WASF3: variants seen among roughly 807,000 people sequenced by gnomAD.
WASF3 encodes the protein actin-binding protein WASF3.
Under a neutral mutation model 46.6 loss-of-function variants are expected in WASF3, and 11 were observed. The observed-to-expected ratio is 0.24, with a 90% CI of 0.15 to 0.39. The LOEUF is 0.39. WASF3 is among the 10% of genes least tolerant of loss of function. The pLI is 1.00. For synonymous variants in WASF3, 242 were observed against 259.7 expected (o/e 0.93, Z 0.65); for missense variants, 576 against 669.8 (o/e 0.86, Z 1.55).
rs398022033 is a variant in WASF3 at position 26,582,676 on chromosome 13, C to CAAAAAA, written c.-109+24875_-109+24880dup. Among the ~76,000 whole-genome samples, 24 of 53,382 alleles carry CAAAAAA rather than the reference C, an allele frequency of 4.5e-4. 2 individuals are homozygous for CAAAAAA. The highest frequency in any genetic ancestry group is 9.5e-4 in the Admixed American group (3 of 3,154). The allele number at this position is 53,382 out of a possible 152,430, so 35.0% of individuals were successfully genotyped here. The stretch of plus-strand genomic sequence containing the variant: ...TGGGTGACCGAGTGAGACTCCGTCT[C>CAAAAAA]AAAAAAAAAAAAAAAAAAAAAAAGC... On this transcript the variant is annotated intron_variant, in intron 1 of 9. Transcript: ENST00000335327.
At chr13:26,654,310 A>G (rs1882405498) in intron 3 of WASF3, among the ~76,000 whole-genome samples, 1 of 152,142 alleles carries the variant, frequency 6.6e-6, no homozygotes, top group African/African-American at 2.4e-5. Context: ...CTAGATATTC[A>G]TCTTCCCCCT....
chr13:26,681,258 G>A lies in WASF3; in HGVS notation c.921G>A (p.Pro307=), dbSNP rs755851760. ...ACAGACCTCAGCAGCCGCCCCCCCC[G>A]CCTCCCCCTCAGGCCCCAGAGGGGT... ...ALNRPQQPPP[P]PPPQAPEGSQ... The change falls in exon 8 of 10, where the codon CCG becomes CCA. Residue 307 remains proline, a synonymous_variant. Coordinates refer to ENST00000335327, the MANE Select transcript of WASF3 (RefSeq NM_006646.6). 11 of 1,419,574 alleles carry A rather than the reference G, an allele frequency of 7.7e-6. No individual in the cohort carries two copies. The highest frequency in any genetic ancestry group is 3.5e-5 in the Admixed American group (2 of 57,816). 87.9% of individuals were successfully genotyped at this position (1,419,574 alleles called of 1,614,324 possible).
intron 2 of WASF3, chr13:26,619,199 C>T (rs964123448): frequency 2.5e-4 from 38 of 152,202 alleles, no homozygotes; most frequent in African/African-American, 9.2e-4. Flanking sequence ...CCATACACAA[C>T]CTGCTTATAA....
the WASF3 span, among the ~76,000 whole-genome samples, chr13:26,546,297 C>G: frequency 6.6e-6 from 1 of 152,190 alleles, no homozygotes. Flanking sequence ...GTGATTGTTT[C>G]TGAGTTGGAT....
chr13:26,648,805 G>A (rs1882227478), intron 3 of WASF3, among the ~76,000 whole-genome samples: 1 of 152,146 alleles, frequency 6.6e-6, no homozygotes, highest in African/African-American at 2.4e-5. Context: ...GAAGATAGAA[G>A]TTCTGTCAGC....
chr13:26,656,290 T>A (rs1882463312), intron 3 of WASF3, among the ~76,000 whole-genome samples: 1 of 152,336 alleles, frequency 6.6e-6, no homozygotes, highest in East Asian at 1.9e-4. Flanking sequence ...TTAAAACAAC[T>A]GAGTAAAGTG....
At chr13:26,650,289 T>C (rs919707998) in intron 3 of WASF3, among the ~76,000 whole-genome samples, 13 of 152,148 alleles carry the variant, frequency 8.5e-5, no homozygotes, top group African/African-American at 2.7e-4. Context: ...ACCCCAGTCA[T>C]AGGACTGTAT....
At chr13:26,544,158 T>C in the WASF3 span, among the ~76,000 whole-genome samples, 1 of 152,206 alleles carries the variant, frequency 6.6e-6, no homozygotes, top group Non-Finnish European at 1.5e-5. Flanking sequence ...TTCCAGACAA[T>C]TTAGTTTTCA....
Position 26,685,889 on chromosome 13 carries a change from T to C in WASF3, c.*44T>C, listed in dbSNP as rs750212174. 2.5e-6 allele frequency: 4 copies of C among 1,596,606 alleles called. No homozygotes were observed. The African/African-American group carries it at 5.4e-5, about 21-fold the overall frequency. ...GCCGCGTGTGGGAGCGTGTTGAAGA[T>C]TTTAAGTGGTCTCTACACCCAAATA... On this transcript the variant is annotated 3_prime_UTR_variant, in exon 10 of 10. Coordinates refer to ENST00000335327, the MANE Select transcript of WASF3 (RefSeq NM_006646.6).
chr13:26,593,906 TTTGGCTGATTTAG>T (rs1207772075), intron 1 of WASF3, among the ~76,000 whole-genome samples: 36 of 152,342 alleles, frequency 2.4e-4, no homozygotes, highest in African/African-American at 7.0e-4. Flanking sequence ...AGTTCCTTCC[TTTGGCTGATTTAG>T]TTGCTTCTGT....
At chr13:26,638,992 C>T (rs926613252) in intron 2 of WASF3, among the ~76,000 whole-genome samples, 4 of 152,184 alleles carry the variant, frequency 2.6e-5, no homozygotes, top group Non-Finnish European at 5.9e-5. Context: ...CCACTGTCCT[C>T]CTATTTTCCA....
At chr13:26,635,014 C>T (rs2137269659) in intron 2 of WASF3, among the ~76,000 whole-genome samples, 1 of 152,162 alleles carries the variant, frequency 6.6e-6, no homozygotes, top group South Asian at 2.1e-4. Flanking sequence ...TCTGTATTTC[C>T]TGAATTTGAA....
intron 1 of WASF3, among the ~76,000 whole-genome samples, chr13:26,597,971 G>T (rs549264034): frequency 1.3e-5 from 2 of 152,140 alleles, no homozygotes; most frequent in South Asian, 4.1e-4. Context: ...AATCCTTTGG[G>T]TATATACCCA....
intron 1 of WASF3, among the ~76,000 whole-genome samples, chr13:26,558,549 A>G (rs537332241): frequency 6.6e-6 from 1 of 150,438 alleles, no homozygotes; most frequent in African/African-American, 2.4e-5. Flanking sequence ...CGAGGGCAGA[A>G]GCTTCCTCTC....
intron 5 of WASF3, among the ~76,000 whole-genome samples, chr13:26,670,797 G>T (rs1018729124): frequency 1.3e-5 from 2 of 152,224 alleles, no homozygotes; most frequent in African/African-American, 4.8e-5. Context: ...AAGGTATAGT[G>T]TGAGTTGCAC....
At chr13:26,549,198 T>A in the WASF3 span, among the ~76,000 whole-genome samples, 1 of 152,070 alleles carries the variant, frequency 6.6e-6, no homozygotes, top group Non-Finnish European at 1.5e-5. Context: ...GCCAGGATGG[T>A]CTCGATCTCC....
intron 5 of WASF3, among the ~76,000 whole-genome samples, chr13:26,668,542 A>T (rs1882838408): frequency 6.6e-6 from 1 of 151,994 alleles, no homozygotes; most frequent in African/African-American, 2.4e-5. Flanking sequence ...TTCCATTACT[A>T]CCCTCTCAGC....
intron 2 of WASF3, among the ~76,000 whole-genome samples, chr13:26,623,640 T>C (rs1190162059): frequency 3.9e-5 from 6 of 152,132 alleles, no homozygotes; most frequent in Non-Finnish European, 7.4e-5. Context: ...TTTAGTTGTG[T>C]TGGAGAAGAG....
chr13:26,668,719 C>T (rs1254043257), intron 5 of WASF3, among the ~76,000 whole-genome samples: 1 of 152,204 alleles, frequency 6.6e-6, no homozygotes. Flanking sequence ...TCTTTCCGCA[C>T]AGACAGGGAG....
Sources: gnomAD v4.1 joint callset for allele counts (sites outside exome capture counted in the v4.1 genomes callset) on GRCh38, gnomAD v4.1.1 for gene constraint, MANE v1.5 for transcripts, NCBI Gene and HGNC (gene_info 2026-07-23, HGNC 2026-07-21) for gene names.